RBMS3: variants seen among roughly 807,000 people sequenced by gnomAD.
RBMS3 encodes the protein RNA-binding motif, single-stranded-interacting protein 3.
A neutral mutation model predicts 66.8 loss-of-function variants in RBMS3; 27 were observed. The ratio of observed to expected loss-of-function variants is 0.40; its 90% CI spans 0.30 to 0.56. RBMS3 has a LOEUF of 0.56. Among genes scored for constraint, RBMS3 ranks in the 20% least tolerant of loss-of-function variants. RBMS3 has a pLI of 0.40. For missense variants in RBMS3, 513 were observed against 549.5 expected (o/e 0.93, Z 0.66); for synonymous variants, 188 against 183.0 (o/e 1.03, Z -0.22).
At chr3:29,657,039 C>T (rs1431903973) in intron 4 of RBMS3, among the ~76,000 whole-genome samples, 1 of 152,146 alleles carries the variant, frequency 6.6e-6, no homozygotes, top group East Asian at 1.9e-4. Flanking sequence ...TGATTATGAG[C>T]GAAGTCTGAG....
chr3:29,501,214 G>A (rs528018272), intron 3 of RBMS3, among the ~76,000 whole-genome samples: 1 of 152,218 alleles, frequency 6.6e-6, no homozygotes, highest in East Asian at 1.9e-4. Context: ...CTCCATGAAA[G>A]TTTAACACGT....
chr3:29,991,015 C>T (rs1698832447), intron 13 of RBMS3, 67 bp from the exon 14 acceptor site: 6 of 1,499,824 alleles, frequency 4.0e-6, no homozygotes, highest in Non-Finnish European at 4.6e-6. Flanking sequence ...GGGGTACTTA[C>T]AGCCTATCTA....
chr3:29,469,585 T>G (rs531018005), intron 2 of RBMS3, among the ~76,000 whole-genome samples: 85 of 150,424 alleles, frequency 5.7e-4, no homozygotes, highest in African/African-American at 2.0e-3. Flanking sequence ...ATTAAAAATG[T>G]TAAGTAAAAA....
intron 4 of RBMS3, among the ~76,000 whole-genome samples, chr3:29,656,272 T>G (rs1211253959): frequency 6.6e-6 from 1 of 152,206 alleles, no homozygotes; most frequent in African/African-American, 2.4e-5. Flanking sequence ...GCTCCATTCA[T>G]GTACATCATT....
intron 4 of RBMS3, among the ~76,000 whole-genome samples, chr3:29,653,943 C>A (rs1000019323): frequency 6.6e-6 from 1 of 152,114 alleles, no homozygotes; most frequent in Non-Finnish European, 1.5e-5. Flanking sequence ...CTTCATAAAC[C>A]TTGTCAGGCA....
At chr3:29,759,688 G>A in intron 5 of RBMS3, among the ~76,000 whole-genome samples, 1 of 146,668 alleles carries the variant, frequency 6.8e-6, no homozygotes, top group Non-Finnish European at 1.5e-5. Context: ...TTCCTAAGAT[G>A]GCTATTCAAA....
intron 12 of RBMS3, among the ~76,000 whole-genome samples, chr3:29,972,905 G>T (rs1697316880): frequency 6.6e-6 from 1 of 151,988 alleles, no homozygotes; most frequent in African/African-American, 2.4e-5. Context: ...TCGTTCCTTT[G>T]TCTTTTTGAT....
intron 4 of RBMS3, among the ~76,000 whole-genome samples, chr3:29,720,701 T>TGTGTGTGTGTGTGTGA (rs1413302371): frequency 1.8e-4 from 27 of 151,130 alleles, no homozygotes; most frequent in African/African-American, 6.6e-4. Flanking sequence ...AGAATCTGTG[T>TGTGTGTGTGTGTGTGA]GTGTGTGTGT....
intron 1 of RBMS3, among the ~76,000 whole-genome samples, chr3:29,422,038 C>T (rs1297664530): frequency 6.6e-6 from 1 of 152,118 alleles, no homozygotes; most frequent in African/African-American, 2.4e-5. Flanking sequence ...ATTCTCAGTG[C>T]TTTACACACA....
chr3:29,701,809 G>C (rs760175554), intron 4 of RBMS3, among the ~76,000 whole-genome samples: 1 of 151,778 alleles, frequency 6.6e-6, no homozygotes, highest in South Asian at 2.1e-4. Context: ...GTCTCCCAGC[G>C]GGGCAGGGCT....
chr3:29,771,564 A>T (rs2056200250), intron 6 of RBMS3, among the ~76,000 whole-genome samples: 1 of 152,084 alleles, frequency 6.6e-6, no homozygotes, highest in Non-Finnish European at 1.5e-5. Context: ...GCAAAAATTA[A>T]GGTTGCAGCT....
intron 4 of RBMS3, among the ~76,000 whole-genome samples, chr3:29,728,927 C>A (rs1196059308): frequency 6.6e-6 from 1 of 152,022 alleles, no homozygotes; most frequent in African/African-American, 2.4e-5. Flanking sequence ...AGCAAAACAG[C>A]ACACAAGAGA....
intron 14 of RBMS3, among the ~76,000 whole-genome samples, chr3:29,997,661 C>T (rs1345351479): frequency 6.6e-6 from 1 of 151,676 alleles, no homozygotes; most frequent in Non-Finnish European, 1.5e-5. Flanking sequence ...GAGCCAAAGA[C>T]AAAAACCACA....
chr3:29,726,254 A>T (rs1184335862), intron 4 of RBMS3, among the ~76,000 whole-genome samples: 1 of 152,190 alleles, frequency 6.6e-6, no homozygotes, highest in African/African-American at 2.4e-5. Context: ...CCAATATCAT[A>T]CCGAATGGGC....
Position 29,723,038 on chromosome 3 carries a change from T to C in RBMS3, c.400-16682T>C, listed in dbSNP as rs188482209. Among the ~76,000 whole-genome samples the C allele has an allele frequency of 2.0e-5, 3 of 152,122 alleles. No individual in the cohort carries two copies. In the East Asian group the frequency reaches 5.8e-4, roughly 29 times the overall value. ...TTGCCCAGGCTGGAGTGCAACGGCA[T>C]GATCTTGGCTCACTGCAACCTCCGC... On this transcript the variant is annotated intron_variant, in intron 4 of 14. Transcript: ENST00000383767.
chr3:29,461,258 G>T (rs149571207), intron 2 of RBMS3, among the ~76,000 whole-genome samples: 1 of 152,294 alleles, frequency 6.6e-6, no homozygotes, highest in African/African-American at 2.4e-5. Context: ...GATTTCCCCA[G>T]CTTCTAAAGT....
intron 1 of RBMS3, among the ~76,000 whole-genome samples, chr3:29,389,167 T>C (rs963116730): frequency 6.6e-6 from 1 of 152,188 alleles, no homozygotes; most frequent in Non-Finnish European, 1.5e-5. Context: ...CACTGTCTTC[T>C]CTTCCCCTCT....
At chr3:29,718,105 T>C (rs57626365) in intron 4 of RBMS3, among the ~76,000 whole-genome samples, 1 of 151,792 alleles carries the variant, frequency 6.6e-6, no homozygotes, top group African/African-American at 2.4e-5. Flanking sequence ...TTTTTCCTGA[T>C]GTTTTTCATT....
chr3:29,605,968 G>GC (rs2048308178), intron 4 of RBMS3, among the ~76,000 whole-genome samples: 1 of 140,852 alleles, frequency 7.1e-6, no homozygotes, highest in Non-Finnish European at 1.6e-5. Flanking sequence ...AAACAAGGTA[G>GC]TTTTTTTTTT....
Sources: allele counts gnomAD v4.1 joint callset (sites outside exome capture counted in the v4.1 genomes callset), GRCh38; gene constraint gnomAD v4.1.1; transcripts MANE v1.5; gene names NCBI Gene and HGNC (gene_info 2026-07-23, HGNC 2026-07-21).